The following NEK11 variants were observed in gnomAD, a reference collection of about 807,000 sequenced individuals.
NEK11 encodes the protein NIMA related kinase 11, also known as serine/threonine-protein kinase Nek11.
In NEK11, 72 loss-of-function variants were observed where a neutral mutation model predicts 80.7. That is an observed-to-expected ratio of 0.89 (90% CI 0.74 to 1.08). The LOEUF is 1.08. Ranked by LOEUF, NEK11 falls within the 50% of genes least tolerant of loss-of-function variation. The pLI is 0.00. For synonymous variants in NEK11, 251 were observed against 260.7 expected (o/e 0.96, Z 0.36); for missense variants, 764 against 763.6 (o/e 1.00, Z -0.01).
At position 131,026,936 on chromosome 3, in the gene NEK11, G is replaced by A. The variant is rs1560072582; in HGVS notation, c.-240G>A. 1.3e-5 allele frequency: 2 copies of A among 152,242 alleles called. No homozygotes were observed. Among genetic ancestry groups the A allele is most frequent in the Non-Finnish European group, 2.9e-5 (2 of 68,132 alleles). The allele number at this position is 152,242 out of a possible 1,614,324, so 9.4% of individuals were successfully genotyped here. ...CGCTCGGTGGGTGTGGTTGCCCCTA[G>A]TTTGAGGCCTGCCCGATTACCCGCA... On this transcript the variant is annotated 5_prime_UTR_variant, in exon 1 of 18. Transcript: ENST00000383366.
intron 7 of NEK11, among the ~76,000 whole-genome samples, chr3:131,149,167 C>A (rs562195358): frequency 1.3e-5 from 2 of 152,034 alleles, no homozygotes; most frequent in East Asian, 3.9e-4. Context: ...CAAGTAGGCC[C>A]CAGTGTTTGT....
intron 5 of NEK11, among the ~76,000 whole-genome samples, chr3:131,129,194 G>C (rs1338703851): frequency 6.6e-6 from 1 of 151,734 alleles, no homozygotes; most frequent in Non-Finnish European, 1.5e-5. Flanking sequence ...GGGACTACAG[G>C]TGCCCACCAC....
At chr3:131,314,791 G>C (rs1451910509) in intron 17 of NEK11, among the ~76,000 whole-genome samples, 2 of 152,262 alleles carry the variant, frequency 1.3e-5, no homozygotes, top group Middle Eastern at 3.4e-3. Flanking sequence ...CAGTTGTCCT[G>C]GGACAAGCCT....
intron 16 of NEK11, among the ~76,000 whole-genome samples, chr3:131,264,174 T>C (rs2095997393): frequency 1.3e-5 from 2 of 152,244 alleles, no homozygotes. Flanking sequence ...GCCTGTTCAC[T>C]CTGATGGTAG....
intron 9 of NEK11, among the ~76,000 whole-genome samples, chr3:131,153,288 C>T (rs1340387341): frequency 1.3e-5 from 2 of 152,164 alleles, no homozygotes; most frequent in African/African-American, 4.8e-5. Flanking sequence ...AACTATATCC[C>T]TGCAAGGACA....
chr3:131,130,337 T>C (rs553642184), intron 5 of NEK11, among the ~76,000 whole-genome samples: 26 of 152,294 alleles, frequency 1.7e-4, no homozygotes, highest in Non-Finnish European at 8.8e-5. Context: ...GTTTTTTTAA[T>C]TGATTCTTTT....
intron 16 of NEK11, among the ~76,000 whole-genome samples, chr3:131,256,268 C>T (rs985533180): frequency 1.3e-5 from 2 of 152,056 alleles, no homozygotes; most frequent in African/African-American, 4.8e-5. Flanking sequence ...GCTAAATACA[C>T]TGATTTGATT....
At chr3:131,266,456 G>C (rs531726388) in intron 16 of NEK11, among the ~76,000 whole-genome samples, 1 of 151,964 alleles carries the variant, frequency 6.6e-6, no homozygotes, top group African/African-American at 2.4e-5. Context: ...CGCCTATTTC[G>C]TTATTTACCC....
At chr3:131,279,118 C>A (rs1408851919) in intron 17 of NEK11, among the ~76,000 whole-genome samples, 2 of 151,900 alleles carry the variant, frequency 1.3e-5, no homozygotes, top group Non-Finnish European at 2.9e-5. Context: ...CACCTGTAAT[C>A]CCAGCACTTT....
intron 5 of NEK11, among the ~76,000 whole-genome samples, chr3:131,110,623 A>G (rs541603290): frequency 2.0e-5 from 3 of 152,284 alleles, no homozygotes; most frequent in African/African-American, 7.2e-5. Context: ...GAACATACAT[A>G]GACAAAAAAG....
At chr3:131,200,993 A>G (rs1230890570) in intron 14 of NEK11, among the ~76,000 whole-genome samples, 1 of 152,154 alleles carries the variant, frequency 6.6e-6, no homozygotes, top group Non-Finnish European at 1.5e-5. Flanking sequence ...CAAATAAATT[A>G]TAGCATATTC....
At chr3:131,191,063 A>G (rs551886082) in intron 14 of NEK11, among the ~76,000 whole-genome samples, 2 of 152,314 alleles carry the variant, frequency 1.3e-5, no homozygotes, top group South Asian at 4.1e-4. Flanking sequence ...TATGTTATTA[A>G]CTAATATCTC....
At chr3:131,207,732 T>C (rs1239834433) in intron 14 of NEK11, among the ~76,000 whole-genome samples, 1 of 152,234 alleles carries the variant, frequency 6.6e-6, no homozygotes, top group Non-Finnish European at 1.5e-5. Flanking sequence ...ATGAGCATTT[T>C]TTCATGTGAC....
At chr3:131,072,314 T>G (rs1476909170) in intron 3 of NEK11, 1 of 152,232 alleles carries the variant, frequency 6.6e-6, no homozygotes, top group African/African-American at 2.4e-5. Flanking sequence ...CAAATGCAGA[T>G]GATCACATGC....
chr3:131,334,572 G>A (rs1209057346), intron 17 of NEK11, among the ~76,000 whole-genome samples: 21 of 150,314 alleles, frequency 1.4e-4, no homozygotes, highest in Non-Finnish European at 2.5e-4. Flanking sequence ...AAAAGCAAGA[G>A]CAAACACATT....
intron 3 of NEK11, among the ~76,000 whole-genome samples, chr3:131,044,833 C>T (rs529203089): frequency 3.3e-5 from 5 of 152,226 alleles, no homozygotes; most frequent in Admixed American, 6.5e-5. Context: ...TTCTCAGCAC[C>T]GCATAGCACT....
intron 14 of NEK11, among the ~76,000 whole-genome samples, chr3:131,220,161 T>G (rs1264517393): frequency 6.6e-6 from 1 of 152,182 alleles, no homozygotes; most frequent in Non-Finnish European, 1.5e-5. Context: ...GCTTACCTTA[T>G]ACAAAATGGA....
intron 14 of NEK11, among the ~76,000 whole-genome samples, chr3:131,195,215 C>G (rs1443867541): frequency 1.3e-5 from 2 of 152,116 alleles, no homozygotes; most frequent in Admixed American, 1.3e-4. Flanking sequence ...AAAACTTTCA[C>G]GTGGCCTATA....
At chr3:131,119,662 G>A (rs943853610) in intron 5 of NEK11, among the ~76,000 whole-genome samples, 2 of 152,108 alleles carry the variant, frequency 1.3e-5, no homozygotes, top group African/African-American at 2.4e-5. Flanking sequence ...TCCTGTATTG[G>A]GTGTATATAT....
Sources: allele counts gnomAD v4.1 joint callset (sites outside exome capture counted in the v4.1 genomes callset), GRCh38; gene constraint gnomAD v4.1.1; transcripts MANE v1.5; gene names NCBI Gene and HGNC (gene_info 2026-07-23, HGNC 2026-07-21).